Variants in AGXT2 observed in about 807,000 individuals in gnomAD.
AGXT2 encodes alanine--glyoxylate aminotransferase 2.
AGXT2 carries 61 observed loss-of-function variants against 62.5 expected under a neutral mutation model. That is an observed-to-expected ratio of 0.98 (90% CI 0.79 to 1.21). The LOEUF is 1.21. Among genes scored for constraint, AGXT2 ranks in the 50% most tolerant of loss-of-function variants. The pLI is 0.00. For synonymous variants in AGXT2, 243 were observed against 218.7 expected (o/e 1.11, Z -0.98); for missense variants, 666 against 641.5 (o/e 1.04, Z -0.41).
chr5:35,011,761 C>A (rs1393718797), intron 11 of AGXT2, among the ~76,000 whole-genome samples: 1 of 151,918 alleles, frequency 6.6e-6, no homozygotes, highest in Non-Finnish European at 1.5e-5. Context: ...CCAGCAATCC[C>A]ACTTCTGGGT....
intron 9 of AGXT2, among the ~76,000 whole-genome samples, chr5:35,015,849 CAAAAA>C (rs557021858): frequency 1.4e-5 from 1 of 69,514 alleles, no homozygotes; most frequent in Admixed American, 1.9e-4. Flanking sequence ...GACTCCATCT[CAAAAA>C]AAAAAAAAAA....
At chr5:35,036,746 C>A (rs1767780600) in intron 4 of AGXT2, among the ~76,000 whole-genome samples, 196 bp downstream of exon 4, 1 of 152,204 alleles carries the variant, frequency 6.6e-6, no homozygotes, top group East Asian at 1.9e-4. Flanking sequence ...TTCCCTTCTT[C>A]TGTCTGATTG....
Position 35,032,837 on chromosome 5 carries a change from A to G in AGXT2, c.676-12T>C. 1.3e-6 allele frequency: 2 copies of G among 1,593,232 alleles called. No homozygotes were observed. Among genetic ancestry groups the G allele is most frequent in the South Asian group, 1.1e-5 (1 of 88,060 alleles). ...TCTGGACACATTGTCTGCAAATGACAAAAGAAGGAGTGTGGCAAAGCATGA... is the reference window on the plus strand; with the variant it reads ...TCTGGACACATTGTCTGCAAATGACGAAAGAAGGAGTGTGGCAAAGCATGA... On this transcript the variant is annotated splice_polypyrimidine_tract_variant and intron_variant, in intron 6 of 13. Coordinates refer to ENST00000231420, the MANE Select transcript of AGXT2 (RefSeq NM_031900.4).
chr5:35,035,977 T>A (rs757210065), intron 4 of AGXT2, among the ~76,000 whole-genome samples: 4 of 151,900 alleles, frequency 2.6e-5, no homozygotes, highest in Non-Finnish European at 5.9e-5. Context: ...CTTGGGGGGC[T>A]GAGGCAGGAG....
At position 35,033,872 on chromosome 5, in the gene AGXT2, T is replaced by C. The variant is rs140301659; in HGVS notation, c.582-319A>G. On this transcript the variant is annotated intron_variant, in intron 5 of 13. Coordinates refer to ENST00000231420, the MANE Select transcript of AGXT2 (RefSeq NM_031900.4). ...TAGCAACAACATACCAGAAATTGTA[T>C]GTTCAATGAATACCAGTCTTCGAAG... Among the ~76,000 whole-genome samples, 608 of 152,302 alleles carry C rather than the reference T, an allele frequency of 4.0e-3. 3 individuals carry two copies. The highest frequency in any genetic ancestry group is 0.014 in the African/African-American group (587 of 41,564).
At chr5:35,041,327 T>C (rs930660171) in intron 1 of AGXT2, among the ~76,000 whole-genome samples, 8 of 91,336 alleles carry the variant, frequency 8.8e-5, no homozygotes, top group African/African-American at 3.3e-4. Context: ...ACCTTACATT[T>C]GTGTGTGTGT....
At chr5:35,039,590 T>TG in intron 2 of AGXT2, 82 bp from the exon 3 acceptor site, 1 of 1,463,746 alleles carries the variant, frequency 6.8e-7, no homozygotes, top group Non-Finnish European at 9.5e-7. Context: ...GCCCAGGCTC[T>TG]CTAGTGGACA....
intron 1 of AGXT2, among the ~76,000 whole-genome samples, chr5:35,041,881 T>A (rs1392337580): frequency 6.6e-6 from 1 of 152,216 alleles, no homozygotes; most frequent in Non-Finnish European, 1.5e-5. Context: ...ATCACTAATG[T>A]CATTAATTTG....
At position 35,035,223 on chromosome 5, in the gene AGXT2, T is replaced by C. The variant is rs753670675; in HGVS notation, c.580A>G (p.Arg194Gly). The C allele has an allele frequency of 2.5e-6, 4 of 1,613,632 alleles. No homozygotes were observed. The highest frequency in any genetic ancestry group is 2.2e-5 in the East Asian group (1 of 44,892). The change falls in exon 5 of 14, where the codon AGA (arginine) becomes GGA (glycine). Residue 194 changes from arginine to glycine, a missense_variant and splice_region_variant. Physicochemically the swap from Arg to Gly is moderately radical, Grantham distance 125. Transcript: ENST00000231420. ...TTGAATATTCCAAGTTGTGATTACC[T>C]GAAAGAAATGATGTCTATGTTGTTT... is the stretch of plus-strand genomic sequence containing the variant. ...HSNNIDIISF[R>G]GAYHGCSPYT...
At chr5:35,023,415 G>C (rs13155120) in intron 9 of AGXT2, among the ~76,000 whole-genome samples, 10 of 151,890 alleles carry the variant, frequency 6.6e-5, no homozygotes, top group African/African-American at 2.2e-4. Context: ...CCTAGTCCTC[G>C]CGATAGTCCT....
intron 7 of AGXT2, among the ~76,000 whole-genome samples, chr5:35,029,977 C>A (rs1210240238): frequency 6.6e-6 from 1 of 152,174 alleles, no homozygotes; most frequent in Non-Finnish European, 1.5e-5. Context: ...TGCCTCAATT[C>A]CTCTTAAGGT....
chr5:35,022,667 T>C (rs1767156487), intron 9 of AGXT2, among the ~76,000 whole-genome samples: 1 of 149,594 alleles, frequency 6.7e-6, no homozygotes, highest in Non-Finnish European at 1.5e-5. Flanking sequence ...GGCACATGTA[T>C]ACATATGCAA....
intron 13 of AGXT2, 140 bp from the exon 14 acceptor site, chr5:34,998,966 C>T: frequency 1.4e-6 from 1 of 714,192 alleles, no homozygotes; most frequent in Non-Finnish European, 2.5e-6. Flanking sequence ...CTCCTCCATC[C>T]CCAATGCTGA....
chr5:35,026,340 AAT>A, intron 8 of AGXT2, 68 bp downstream of exon 8: 2 of 1,251,698 alleles, frequency 1.6e-6, no homozygotes, highest in Non-Finnish European at 2.3e-6. Flanking sequence ...AATTCTCTAG[AAT>A]ATATGAGTTA....
chr5:35,034,032 CAGTCATATTT>C (rs1767678566), intron 5 of AGXT2, among the ~76,000 whole-genome samples: 1 of 152,088 alleles, frequency 6.6e-6, no homozygotes, highest in Non-Finnish European at 1.5e-5. Flanking sequence ...GAACGTGAAA[CAGTCATATTT>C]AGTATAAATG....
intron 7 of AGXT2, among the ~76,000 whole-genome samples, chr5:35,028,523 A>T (rs1407518295): frequency 1.4e-5 from 2 of 140,146 alleles, no homozygotes; most frequent in Non-Finnish European, 1.5e-5. Context: ...GTGTGTCAGA[A>T]TTGGAAGTGG....
chr5:35,034,713 A>T (rs1003072764), intron 5 of AGXT2, among the ~76,000 whole-genome samples: 1 of 152,240 alleles, frequency 6.6e-6, no homozygotes, highest in Non-Finnish European at 1.5e-5. Flanking sequence ...TCACTGAAAG[A>T]AGCAGAAATA....
intron 4 of AGXT2, 138 bp downstream of exon 4, chr5:35,036,804 G>A: frequency 1.6e-6 from 2 of 1,263,820 alleles, no homozygotes; most frequent in Non-Finnish European, 2.3e-6. Flanking sequence ...TCAGTGCACA[G>A]GCTAAATTCC....
chr5:35,038,590 G>A (rs573151823), intron 3 of AGXT2, among the ~76,000 whole-genome samples: 13 of 151,992 alleles, frequency 8.6e-5, no homozygotes, highest in South Asian at 4.2e-4. Context: ...AGCTGCCTGA[G>A]GGGGGGGACT....
Sources: gnomAD v4.1 joint callset for allele counts (sites outside exome capture counted in the v4.1 genomes callset) on GRCh38, gnomAD v4.1.1 for gene constraint, MANE v1.5 for transcripts, NCBI Gene and HGNC (gene_info 2026-07-23, HGNC 2026-07-21) for gene names.